The following MTPAP variants were observed in gnomAD, a reference collection of about 807,000 sequenced individuals.
The protein encoded by MTPAP is mitochondrial poly(A) polymerase.
A neutral mutation model predicts 48.7 loss-of-function variants in MTPAP; 23 were observed. The ratio of observed to expected loss-of-function variants is 0.47; its 90% CI spans 0.34 to 0.67. The LOEUF (loss-of-function observed/expected upper bound fraction) is 0.67, where lower values mean the gene tolerates loss of function less well. Among genes scored for constraint, MTPAP ranks in the 30% least tolerant of loss-of-function variants. The pLI is 0.01. For synonymous variants in MTPAP, 257 were observed against 254.1 expected, an observed-to-expected ratio of 1.01 and a Z score of -0.11; for missense variants, 614 against 694.3, an observed-to-expected ratio of 0.88 and a Z score of 1.30.
At chr10:30,337,310 G>C (rs185165756) in intron 3 of MTPAP, among the ~76,000 whole-genome samples, 2 of 152,258 alleles carry the variant, frequency 1.3e-5, no homozygotes, top group Admixed American at 1.3e-4. Flanking sequence ...TGTAATCCCA[G>C]CTACTCAGGA....
At chr10:30,327,372 GC>G (rs1834610133) in intron 4 of MTPAP, among the ~76,000 whole-genome samples, 1 of 146,238 alleles carries the variant, frequency 6.8e-6, no homozygotes, top group Non-Finnish European at 1.5e-5. Flanking sequence ...GGTGGCGGAT[GC>G]CTATAATCCC....
In MTPAP at chr10:30,338,275, A is replaced by G. The variant is rs574032915; in HGVS notation, c.556-1248T>C. 1.2e-4 allele frequency among the ~76,000 whole-genome samples: 18 copies of G among 151,722 alleles called. No individual in the cohort carries two copies. The East Asian group carries it at 3.3e-3, about 28-fold the overall frequency. On this transcript the variant is annotated intron_variant, in intron 3 of 8. Transcript: ENST00000263063. ...ACTCCACCTCAAAAAATAACGTAAC[A>G]TAACATAACATAACAACATAACATT...
At chr10:30,324,406 T>C (rs1564519876) in intron 5 of MTPAP, among the ~76,000 whole-genome samples, 2 of 151,744 alleles carry the variant, frequency 1.3e-5, no homozygotes, top group African/African-American at 2.4e-5. Context: ...ATTAAAAAAA[T>C]AGTCAGGCGT....
At chr10:30,324,990 C>CA (rs58151057) in intron 5 of MTPAP, among the ~76,000 whole-genome samples, 7,237 of 122,946 alleles carry the variant, frequency 0.059, 218 homozygotes, top group East Asian at 0.11. Context: ...GACTATGTCT[C>CA]AAAAAAAAAA....
chr10:30,338,503 A>G (rs1210839287), intron 3 of MTPAP, among the ~76,000 whole-genome samples: 5 of 151,722 alleles, frequency 3.3e-5, no homozygotes, highest in African/African-American at 1.2e-4. Context: ...GTGAAACCCC[A>G]AATCTACTAA....
intron 5 of MTPAP, among the ~76,000 whole-genome samples, chr10:30,325,450 A>C (rs1159092363): frequency 6.6e-6 from 1 of 152,146 alleles, no homozygotes; most frequent in Non-Finnish European, 1.5e-5. Context: ...CAATTAAGAA[A>C]TTTTCCCTAC....
At chr10:30,327,994 G>A (rs1332115249) in intron 4 of MTPAP, among the ~76,000 whole-genome samples, 1 of 152,070 alleles carries the variant, frequency 6.6e-6, no homozygotes, top group South Asian at 2.1e-4. Flanking sequence ...TAAAATTAGA[G>A]AAGACACAAA....
At position 30,313,802 on chromosome 10, in the gene MTPAP, A is replaced by G. The variant is rs1840629064; in HGVS notation, c.1556T>C (p.Ile519Thr). The G allele has an allele frequency of 1.6e-5, 26 of 1,614,182 alleles. No homozygotes were observed. The highest frequency in any genetic ancestry group is 2.0e-5 in the Non-Finnish European group (24 of 1,180,006). ...CAGCCCCCAGGGCCGATTACTTGAT[A>G]TGGAAGGTCGATCTGTATCTTCCTG... ...LQQEDTDRPSISSNRPWGLVS... is the reference protein window; with the variant it reads ...LQQEDTDRPSTSSNRPWGLVS... Residue 519 changes from isoleucine (I) to threonine (T), a missense_variant, in exon 9 of 9, where the codon ATA (isoleucine) becomes ACA (threonine). Physicochemically the swap from Ile to Thr is moderately conservative, Grantham distance 89. Coordinates refer to ENST00000263063, the MANE Select transcript of MTPAP (RefSeq NM_018109.4).
Position 30,322,554 on chromosome 10 carries a change from G to C in MTPAP, c.1056C>G (p.Ala352=), listed in dbSNP as rs778022716. The change falls in exon 6 of 9, where the codon GCC becomes GCG. Residue 352 remains alanine (A), a synonymous_variant. Transcript: ENST00000263063. ...IYGALDSRVR[A]LVFSVRCWAR... is the part of the protein sequence containing the mutation. ...CCCAGCACCGTACACTGAACACCAA[G>C]GCTCTCACTCTTGAGTCTAGGGCAC... The C allele has an allele frequency of 1.2e-6, 2 of 1,614,044 alleles. No homozygotes were observed. The highest frequency in any genetic ancestry group is 2.2e-5 in the South Asian group (2 of 91,078).
chr10:30,333,706 G>C (rs1305152922), intron 4 of MTPAP, among the ~76,000 whole-genome samples: 1 of 152,112 alleles, frequency 6.6e-6, no homozygotes, highest in Non-Finnish European at 1.5e-5. Context: ...CCTGAACTCA[G>C]GAGTTCGAGA....
chr10:30,349,077 C>T (rs750612968), intron 1 of MTPAP, 42 bp downstream of exon 1: 4 of 1,613,566 alleles, frequency 2.5e-6, no homozygotes, highest in Non-Finnish European at 3.4e-6. Flanking sequence ...AGACTCCTCG[C>T]CCGCTGTGGG....
At chr10:30,348,484 C>T (rs1834896459) in intron 1 of MTPAP, among the ~76,000 whole-genome samples, 3 of 152,202 alleles carry the variant, frequency 2.0e-5, no homozygotes, top group African/African-American at 7.2e-5. Context: ...AATACACAAG[C>T]TCTTGAGTCA....
chr10:30,335,776 G>C (rs529335156), intron 4 of MTPAP, among the ~76,000 whole-genome samples: 2 of 152,084 alleles, frequency 1.3e-5, no homozygotes, highest in Non-Finnish European at 2.9e-5. Context: ...TTAGGAGGCC[G>C]AGGGGTGTGG....
intron 1 of MTPAP, among the ~76,000 whole-genome samples, chr10:30,348,611 T>A (rs758391761): frequency 6.6e-6 from 1 of 152,004 alleles, no homozygotes; most frequent in African/African-American, 2.4e-5. Context: ...ACTGATTTGG[T>A]TCAAAATGGC....
intron 3 of MTPAP, 42 bp from the exon 4 acceptor site, chr10:30,337,069 C>T: frequency 6.6e-7 from 1 of 1,513,890 alleles, no homozygotes; most frequent in Non-Finnish European, 9.2e-7. Context: ...AGAAAAAGTA[C>T]AGGTCGCATA....
Position 30,316,190 on chromosome 10 carries a change from T to C in MTPAP, c.1240A>G (p.Ile414Val). The C allele has an allele frequency of 6.2e-7, 1 of 1,613,828 alleles. No individual in the cohort carries two copies. The highest frequency in any genetic ancestry group is 8.5e-7 in the Non-Finnish European group (1 of 1,179,772). ...ACAAATGTGCAGTTGTTGCCTTCTATTACACATTTATCTTCTGCATCTTAA... is the reference window on the plus strand; with the variant it reads ...ACAAATGTGCAGTTGTTGCCTTCTACTACACATTTATCTTCTGCATCTTAA... ...TLADAEDKCV[I>V]EGNNCTFVRD... The change falls in exon 7 of 9, where the codon ATA (isoleucine) becomes GTA (valine). Residue 414 changes from isoleucine to valine, a missense_variant. Ile to Val is a conservative substitution (Grantham distance 29). Coordinates refer to ENST00000263063, the MANE Select transcript of MTPAP (RefSeq NM_018109.4).
chr10:30,331,219 C>CA (rs1834662126), intron 4 of MTPAP, among the ~76,000 whole-genome samples: 1 of 152,140 alleles, frequency 6.6e-6, no homozygotes, highest in Admixed American at 6.5e-5. Flanking sequence ...CAGTTAGATC[C>CA]ATAAATACTT....
At chr10:30,337,143 AG>A (rs1263378753) in intron 3 of MTPAP, 116 bp from the exon 4 acceptor site, 48 of 908,708 alleles carry the variant, frequency 5.3e-5, no homozygotes, top group Non-Finnish European at 7.9e-5. Context: ...AAATATGCAA[AG>A]CCTGGCGCAG....
chr10:30,348,306 A>C (rs1834894558), intron 1 of MTPAP, among the ~76,000 whole-genome samples: 1 of 152,228 alleles, frequency 6.6e-6, no homozygotes, highest in African/African-American at 2.4e-5. Flanking sequence ...AATAGCTCCA[A>C]GGAATCGTAG....
Sources: allele counts gnomAD v4.1 joint callset (sites outside exome capture counted in the v4.1 genomes callset), GRCh38; gene constraint gnomAD v4.1.1; transcripts MANE v1.5; gene names NCBI Gene and HGNC (gene_info 2026-07-23, HGNC 2026-07-21).